HTT: variants seen among roughly 807,000 people sequenced by gnomAD.
HTT encodes huntington disease protein.
Under a neutral mutation model 362.3 loss-of-function variants are expected in HTT, and 104 were observed. That is an observed-to-expected ratio of 0.29 (90% CI 0.24 to 0.34). The LOEUF is 0.34. Ranked by LOEUF, HTT falls within the 10% of genes least tolerant of loss-of-function variation. The pLI is 1.00. For synonymous variants in HTT, 1,577 were observed against 1,548.7 expected (o/e 1.02, Z -0.43); for missense variants, 3,301 against 3,928.6 (o/e 0.84, Z 4.27).
At chr4:3,236,694 G>A (rs1297263483) in intron 64 of HTT, among the ~76,000 whole-genome samples, 2 of 152,278 alleles carry the variant, frequency 1.3e-5, no homozygotes, top group Non-Finnish European at 1.5e-5. Context: ...GAGGAGCAGC[G>A]GCAGGAGGAT....
Position 3,206,709 on chromosome 4 carries a change from C to G in HTT, c.5898+34C>G. 1 of 1,596,728 alleles carries G rather than the reference C, an allele frequency of 6.3e-7. No individual in the cohort carries two copies. The highest frequency in any genetic ancestry group is 8.6e-7 in the Non-Finnish European group (1 of 1,167,362). On this transcript the variant is annotated intron_variant, in intron 43 of 66. Transcript: ENST00000355072. The surrounding 1 kb of genome is among the most constrained non-coding windows in gnomAD (Gnocchi z 4.6). Reference sequence around the variant, plus strand: ...TCATCCTGCCGACTATTGCCAGTTGCAGTTTTCCCTGCCTTAAAAATGGAG... The same window carrying G: ...TCATCCTGCCGACTATTGCCAGTTGGAGTTTTCCCTGCCTTAAAAATGGAG...
intron 1 of HTT, among the ~76,000 whole-genome samples, chr4:3,083,768 A>C (rs1437794069): frequency 6.6e-6 from 1 of 152,190 alleles, no homozygotes; most frequent in Non-Finnish European, 1.5e-5. Flanking sequence ...ACAGCCCAGC[A>C]GCAACTACAA....
intron 2 of HTT, among the ~76,000 whole-genome samples, chr4:3,095,390 G>A (rs1345149599): frequency 6.6e-6 from 1 of 152,232 alleles, no homozygotes; most frequent in Admixed American, 6.5e-5. Flanking sequence ...GTCAGACATG[G>A]CGGTGCGTGC....
At chr4:3,185,832 T>C (rs1158321229) in intron 37 of HTT, among the ~76,000 whole-genome samples, 1 of 152,066 alleles carries the variant, frequency 6.6e-6, no homozygotes, top group East Asian at 1.9e-4. Context: ...GAGGATCACT[T>C]GAGCCCATTC....
intron 12 of HTT, chr4:3,128,648 A>C (rs926046105): frequency 1.3e-5 from 2 of 152,154 alleles, no homozygotes; most frequent in Non-Finnish European, 2.9e-5. Flanking sequence ...GCATAGGTTT[A>C]AGCACTTCTC....
At chr4:3,224,270 C>CT (rs1254419588) in intron 56 of HTT, 139 bp downstream of exon 56, 3 of 820,620 alleles carry the variant, frequency 3.7e-6, no homozygotes, top group Non-Finnish European at 5.9e-6. Flanking sequence ...TACGCTGCCC[C>CT]TTTCATAAGC....
At chr4:3,131,498 A>G in intron 15 of HTT, 101 bp downstream of exon 15, 1 of 1,460,918 alleles carries the variant, frequency 6.8e-7, no homozygotes, top group Admixed American at 1.7e-5. Context: ...AGGAAGTAGA[A>G]TCTGAGGATG....
chr4:3,130,296 T>C lies in HTT; in HGVS notation c.1868-9T>C, dbSNP rs770441458. The C allele has an allele frequency of 1.4e-5, 21 of 1,500,406 alleles. No individual in the cohort carries two copies. In the South Asian group the frequency reaches 1.6e-4, roughly 11 times the overall value. 92.9% of individuals were successfully genotyped at this position (1,500,406 alleles called of 1,614,324 possible). On this transcript the variant is annotated splice_polypyrimidine_tract_variant and intron_variant, in intron 13 of 66. Transcript: ENST00000355072. ...TTGTCACTTAATCTTGATTTCTCTG[T>C]TTTTAAAGCCCTTCAACAGGCACAT...
intron 6 of HTT, among the ~76,000 whole-genome samples, chr4:3,110,064 G>A (rs1183034727): frequency 6.6e-6 from 1 of 152,154 alleles, no homozygotes; most frequent in African/African-American, 2.4e-5. Context: ...TCACCATGTC[G>A]TGTTCAATCT....
Position 3,237,068 on chromosome 4 carries a change from AT to A in HTT, c.8891+825del, listed in dbSNP as rs113293434. ...CCTGTGCTGGTCTGTTTTCATGTTG[AT>A]TTTTTTTTTTCTTTTCTTTTTGAGA... On this transcript the variant is annotated intron_variant, in intron 64 of 66. Coordinates refer to ENST00000355072, the MANE Select transcript of HTT (RefSeq NM_001388492.1). Among the ~76,000 whole-genome samples the A allele has an allele frequency of 2.4e-3, 356 of 146,944 alleles. 2 individuals carry two copies. Among genetic ancestry groups the A allele is most frequent in the Admixed American group, 3.3e-3 (48 of 14,742 alleles).
chr4:3,231,759 G>C (rs1387300774), intron 60 of HTT, among the ~76,000 whole-genome samples: 1 of 152,182 alleles, frequency 6.6e-6, no homozygotes, highest in Admixed American at 6.5e-5. Context: ...TCTTGGAAGG[G>C]GTCCTTCTCC....
intron 8 of HTT, among the ~76,000 whole-genome samples, chr4:3,118,001 T>C (rs375686473): frequency 2.4e-4 from 37 of 152,368 alleles, no homozygotes; most frequent in African/African-American, 8.4e-4. Flanking sequence ...TAAATCTCTT[T>C]GATGAACTGG....
intron 29 of HTT, among the ~76,000 whole-genome samples, chr4:3,168,026 G>A (rs1204534363): frequency 1.3e-5 from 2 of 152,130 alleles, no homozygotes; most frequent in African/African-American, 2.4e-5. Context: ...GTTTTTATCC[G>A]TGGTCTTTTA....
Position 3,175,100 on chromosome 4 carries a change from C to T in HTT, c.4400C>T (p.Ser1467Leu). The T allele has an allele frequency of 6.2e-7, 1 of 1,612,010 alleles. No homozygotes were observed. ...CGGGTTAATTACTGTCTTCTGGATT[C>T]AGATCAGGTTTGTCACTTTTATCTT... ...QLRVNYCLLD[S>L]DQVFIGFVLK... Residue 1467 changes from serine to leucine, a missense_variant, in exon 33 of 67, where the codon TCA (serine) becomes TTA (leucine). Physicochemically the swap from Ser to Leu is moderately radical, Grantham distance 145. Transcript: ENST00000355072.
At chr4:3,138,492 A>C (rs1323027232) in intron 21 of HTT, among the ~76,000 whole-genome samples, 7 of 152,202 alleles carry the variant, frequency 4.6e-5, no homozygotes, top group Admixed American at 3.3e-4. Flanking sequence ...TAGCAGAAAC[A>C]TGCCAAAGTA....
At chr4:3,085,924 T>G (rs143004154) in intron 1 of HTT, among the ~76,000 whole-genome samples, 12 of 152,340 alleles carry the variant, frequency 7.9e-5, no homozygotes, top group African/African-American at 2.9e-4. Context: ...CTCCTTTTGC[T>G]TGGCTGAGAA....
At chr4:3,224,266 G>A (rs1720807096) in intron 56 of HTT, 135 bp downstream of exon 56, 3 of 853,244 alleles carry the variant, frequency 3.5e-6, no homozygotes, top group South Asian at 1.7e-5. Flanking sequence ...TAAATACGCT[G>A]CCCCTTTCAT....
intron 36 of HTT, 100 bp from the exon 37 acceptor site, chr4:3,182,254 G>A: frequency 2.7e-6 from 2 of 741,438 alleles, no homozygotes; most frequent in Admixed American, 4.1e-5. Context: ...TTGGATCCTA[G>A]AGTCTTCCAG....
chr4:3,129,216 TG>T (rs1390414392), intron 12 of HTT: 4 of 152,356 alleles, frequency 2.6e-5, no homozygotes, highest in African/African-American at 7.2e-5. Flanking sequence ...GTTATGAACG[TG>T]GGTGTACAGA....
Sources: gnomAD v4.1 joint callset for allele counts (sites outside exome capture counted in the v4.1 genomes callset) on GRCh38, gnomAD v4.1.1 for gene constraint, Gnocchi (gnomAD v3.1) non-coding constraint, MANE v1.5 for transcripts, NCBI Gene and HGNC (gene_info 2026-07-23, HGNC 2026-07-21) for gene names.